The following WWP2 variants were observed in gnomAD, a reference collection of about 807,000 sequenced individuals.
WWP2 encodes the protein NEDD4-like E3 ubiquitin-protein ligase WWP2.
WWP2 carries 57 observed loss-of-function variants against 121.0 expected under a neutral mutation model. The ratio of observed to expected loss-of-function variants is 0.47; its 90% CI spans 0.38 to 0.59. The LOEUF is 0.59. Ranked by LOEUF, WWP2 falls within the 20% of genes least tolerant of loss-of-function variation. WWP2 has a pLI of 0.00. For synonymous variants in WWP2, 449 were observed against 441.3 expected, an observed-to-expected ratio of 1.02 and a Z score of -0.22; for missense variants, 962 against 1,158.9, an observed-to-expected ratio of 0.83 and a Z score of 2.47.
intron 7 of WWP2, among the ~76,000 whole-genome samples, chr16:69,879,311 T>C (rs1214649810): frequency 1.3e-5 from 2 of 152,196 alleles, no homozygotes; most frequent in African/African-American, 4.8e-5. Flanking sequence ...TAACCACCAG[T>C]GTCCATTTCC....
chr16:69,877,864 A>G (rs367886588), intron 7 of WWP2, among the ~76,000 whole-genome samples: 15 of 151,940 alleles, frequency 9.9e-5, no homozygotes, highest in Non-Finnish European at 1.6e-4. Context: ...CTGGAGTGCA[A>G]TGGCATGATC....
chr16:69,784,696 C>G (rs1198019597), intron 1 of WWP2, among the ~76,000 whole-genome samples: 1 of 152,186 alleles, frequency 6.6e-6, no homozygotes, highest in African/African-American at 2.4e-5. Flanking sequence ...AAAAGCTCTT[C>G]TGCCGCCTGT....
chr16:69,830,719 A>G (rs1267108253), intron 4 of WWP2, among the ~76,000 whole-genome samples: 2 of 152,180 alleles, frequency 1.3e-5, no homozygotes, highest in Admixed American at 1.3e-4. Flanking sequence ...AGCTGGGTAG[A>G]AGAGACTTTC....
intron 8 of WWP2, among the ~76,000 whole-genome samples, chr16:69,901,508 G>T (rs564943559): frequency 6.6e-6 from 1 of 152,192 alleles, no homozygotes; most frequent in Admixed American, 6.5e-5. Context: ...TGCCTCCCGG[G>T]TTCATGCCAT....
At chr16:69,870,683 G>C (rs2057618789) in intron 6 of WWP2, among the ~76,000 whole-genome samples, 1 of 152,172 alleles carries the variant, frequency 6.6e-6, no homozygotes, top group Non-Finnish European at 1.5e-5. Flanking sequence ...TGTCTGGAGA[G>C]GGGTGATCTT....
chr16:69,807,681 A>C (rs1477269917), intron 4 of WWP2, among the ~76,000 whole-genome samples: 1 of 150,196 alleles, frequency 6.7e-6, no homozygotes, highest in East Asian at 2.0e-4. Context: ...AGCCAGGTGC[A>C]GTAGCTTATG....
At chr16:69,830,143 T>C (rs1315150108) in intron 4 of WWP2, among the ~76,000 whole-genome samples, 1 of 152,112 alleles carries the variant, frequency 6.6e-6, no homozygotes, top group Admixed American at 6.6e-5. Context: ...TTAGTAGAGA[T>C]GGGGTTTCAC....
At chr16:69,921,987 T>C (rs1439641051) in intron 10 of WWP2, among the ~76,000 whole-genome samples, 1 of 150,252 alleles carries the variant, frequency 6.7e-6, no homozygotes. Context: ...GGCAGGAGAA[T>C]CGCTTGAACT....
At chr16:69,850,033 G>T (rs1218752111) in intron 6 of WWP2, among the ~76,000 whole-genome samples, 1 of 152,184 alleles carries the variant, frequency 6.6e-6, no homozygotes, top group African/African-American at 2.4e-5. Context: ...CTCTGCCGTT[G>T]AAGGCAATAT....
rs200950554 is a variant in WWP2 at position 69,931,498 on chromosome 16, T to A, written c.1522-11T>A. 7.6e-5 allele frequency: 122 copies of A among 1,613,362 alleles called. No homozygotes were observed. Among genetic ancestry groups the A allele is most frequent in the Non-Finnish European group, 9.7e-5 (114 of 1,179,836 alleles). On this transcript the variant is annotated splice_polypyrimidine_tract_variant and intron_variant, in intron 14 of 23. Coordinates refer to ENST00000359154, the MANE Select transcript of WWP2 (RefSeq NM_001270454.2). ...GCTCGATTTAAAGTTCTTTTCTTTT[T>A]TTTTTTTCAGTCAAATGCCCTACCT...
At chr16:69,777,745 G>T (rs2055566619) in intron 1 of WWP2, among the ~76,000 whole-genome samples, 1 of 151,438 alleles carries the variant, frequency 6.6e-6, no homozygotes, top group African/African-American at 2.4e-5. Flanking sequence ...TATGTTGTTT[G>T]TATTTATATT....
chr16:69,792,125 T>A (rs1278316206), intron 2 of WWP2, among the ~76,000 whole-genome samples: 1 of 152,186 alleles, frequency 6.6e-6, no homozygotes, highest in Non-Finnish European at 1.5e-5. Context: ...CTGTGGGGTG[T>A]GACTGCGCGG....
chr16:69,888,319 A>G, intron 8 of WWP2, 70 bp downstream of exon 8: 1 of 1,500,680 alleles, frequency 6.7e-7, no homozygotes, highest in Non-Finnish European at 9.0e-7. Flanking sequence ...GGGGGTGGAA[A>G]CAACGTGGTT....
chr16:69,901,171 T>G (rs2058197687), intron 8 of WWP2, among the ~76,000 whole-genome samples: 1 of 152,174 alleles, frequency 6.6e-6, no homozygotes, highest in South Asian at 2.1e-4. Flanking sequence ...AATCTTATGG[T>G]TCTCCCCGGA....
chr16:69,920,275 G>T (rs751158323), intron 10 of WWP2, among the ~76,000 whole-genome samples: 26 of 152,130 alleles, frequency 1.7e-4, no homozygotes, highest in African/African-American at 6.3e-4. Context: ...CAGGGTCGAC[G>T]ATCATGCCCC....
At chr16:69,763,137 C>T (rs1231927269) in intron 1 of WWP2, among the ~76,000 whole-genome samples, 2 of 152,188 alleles carry the variant, frequency 1.3e-5, no homozygotes, top group Non-Finnish European at 2.9e-5. Flanking sequence ...ACACTGTTGA[C>T]CTAGCCCAGC....
At chr16:69,772,858 T>A (rs2151769980) in intron 1 of WWP2, among the ~76,000 whole-genome samples, 1 of 152,230 alleles carries the variant, frequency 6.6e-6, no homozygotes, top group African/African-American at 2.4e-5. Context: ...GCTTGCCTTC[T>A]GTTGACCTCT....
intron 1 of WWP2, among the ~76,000 whole-genome samples, chr16:69,783,556 A>G (rs1243998693): frequency 6.6e-6 from 1 of 151,934 alleles, no homozygotes. Context: ...CTAAATAGTA[A>G]TAATAATAAT....
intron 1 of WWP2, among the ~76,000 whole-genome samples, chr16:69,779,612 T>C (rs2055620597): frequency 6.6e-6 from 1 of 152,184 alleles, no homozygotes; most frequent in Admixed American, 6.5e-5. Flanking sequence ...AGTTCCATTC[T>C]CTAAGAGTCA....
Sources: gnomAD v4.1 joint callset for allele counts (sites outside exome capture counted in the v4.1 genomes callset) on GRCh38, gnomAD v4.1.1 for gene constraint, MANE v1.5 for transcripts, NCBI Gene and HGNC (gene_info 2026-07-23, HGNC 2026-07-21) for gene names.